KIAA0513: variants seen among roughly 807,000 people sequenced by gnomAD.
KIAA0513 encodes the protein KIAA0513.
Under a neutral mutation model 56.5 loss-of-function variants are expected in KIAA0513, and 39 were observed. The observed-to-expected ratio is 0.69, with a 90% CI of 0.53 to 0.90. The LOEUF is 0.90. Among genes scored for constraint, KIAA0513 ranks in the 40% least tolerant of loss-of-function variants. The probability of loss-of-function intolerance (pLI) is 0.00; values close to 1 mark genes in which losing one functional copy is unlikely to be tolerated. For synonymous variants in KIAA0513, 268 were observed against 215.6 expected (o/e 1.24, Z -2.13); for missense variants, 591 against 535.2 (o/e 1.10, Z -1.03).
At chr16:85,069,282 C>G (rs975802500) in intron 2 of KIAA0513, among the ~76,000 whole-genome samples, 1 of 151,596 alleles carries the variant, frequency 6.6e-6, no homozygotes, top group African/African-American at 2.4e-5. Flanking sequence ...GCAGTCATAG[C>G]TCACCACAGC....
At chr16:85,070,915 G>A (rs1486427684) in intron 2 of KIAA0513, among the ~76,000 whole-genome samples, 2 of 152,198 alleles carry the variant, frequency 1.3e-5, no homozygotes, top group African/African-American at 2.4e-5. Context: ...TGAGTCAGAT[G>A]CATCTTCACA....
Position 85,094,169 on chromosome 16 carries a change from A to G in KIAA0513, c.*5844A>G, listed in dbSNP as rs1372877782. ...GTTTGCTGTGAAGAAAAACATGTGT[A>G]TATATTGCACCTTGAGTTGTCAGAA... On this transcript the variant is annotated 3_prime_UTR_variant, in exon 13 of 13. Coordinates refer to ENST00000683363, the MANE Select transcript of KIAA0513 (RefSeq NM_001388359.1). 2 of 152,126 alleles carry G rather than the reference A, an allele frequency of 1.3e-5. No individual in the cohort carries two copies. Among genetic ancestry groups the G allele is most frequent in the Non-Finnish European group, 2.9e-5 (2 of 68,022 alleles). 9.4% of individuals were successfully genotyped at this position (152,126 alleles called of 1,614,324 possible).
chr16:85,077,368 T>G, intron 5 of KIAA0513, 57 bp from the exon 6 acceptor site: 1 of 1,539,178 alleles, frequency 6.5e-7, no homozygotes, highest in Non-Finnish European at 8.9e-7. Flanking sequence ...GCCTCTGCAG[T>G]TAGCAGGCGC....
intron 1 of KIAA0513, among the ~76,000 whole-genome samples, chr16:85,033,954 C>T (rs1251376958): frequency 2.0e-5 from 3 of 152,134 alleles, no homozygotes; most frequent in African/African-American, 7.2e-5. Context: ...ATCCAGTGTC[C>T]TTTTAATGTC....
At chr16:85,044,510 AT>A (rs746418986) in intron 1 of KIAA0513, among the ~76,000 whole-genome samples, 6,279 of 136,802 alleles carry the variant, frequency 0.046, 279 homozygotes, top group African/African-American at 0.13. Context: ...TTTTATTTTT[AT>A]TTTTTTTTTT....
intron 10 of KIAA0513, 42 bp from the exon 11 acceptor site, chr16:85,086,602 G>C: frequency 6.3e-7 from 1 of 1,584,346 alleles, no homozygotes. Context: ...GGCAAGGACA[G>C]CACCATCTGA....
intron 11 of KIAA0513, 59 bp downstream of exon 11, chr16:85,086,783 G>C: frequency 7.0e-7 from 1 of 1,426,168 alleles, no homozygotes; most frequent in Non-Finnish European, 9.7e-7. Flanking sequence ...CCTGTGAGCT[G>C]TCACACCTGG....
intron 2 of KIAA0513, among the ~76,000 whole-genome samples, chr16:85,069,404 TGGGGCC>T (rs2073539163): frequency 6.6e-6 from 1 of 152,106 alleles, no homozygotes; most frequent in Admixed American, 6.5e-5. Context: ...GCTGTTTGCA[TGGGGCC>T]CTTCCCTGGA....
At chr16:85,029,656 C>G (rs1284818865) in intron 1 of KIAA0513, among the ~76,000 whole-genome samples, 1 of 152,194 alleles carries the variant, frequency 6.6e-6, no homozygotes, top group Non-Finnish European at 1.5e-5. Flanking sequence ...TCCTTTCTCT[C>G]ATAAAGCAAA....
rs1451211104 is a variant in KIAA0513, at chr16:85,092,456, A to C, written c.*4131A>C. The C allele has an allele frequency of 6.6e-6, 1 of 152,204 alleles. No individual in the cohort carries two copies. The highest frequency in any genetic ancestry group is 1.5e-5 in the Non-Finnish European group (1 of 68,048). The allele number at this position is 152,204 out of a possible 1,614,324, so 9.4% of individuals were successfully genotyped here. Reference sequence around the variant, plus strand: ...CGCAGGGTGGCAGTGGCCCAGCCCCAGCCTCAGGGACGGGGAGGGAGAGCC... The same window carrying C: ...CGCAGGGTGGCAGTGGCCCAGCCCCCGCCTCAGGGACGGGGAGGGAGAGCC... On this transcript the variant is annotated 3_prime_UTR_variant, in exon 13 of 13. Transcript: ENST00000683363.
At chr16:85,033,132 A>G (rs2072988806) in intron 1 of KIAA0513, among the ~76,000 whole-genome samples, 1 of 152,150 alleles carries the variant, frequency 6.6e-6, no homozygotes, top group Non-Finnish European at 1.5e-5. Flanking sequence ...GGACGTTTTT[A>G]CGAGAAGCAT....
chr16:85,049,255 G>C (rs2073214181), intron 1 of KIAA0513, among the ~76,000 whole-genome samples: 1 of 152,240 alleles, frequency 6.6e-6, no homozygotes, highest in Non-Finnish European at 1.5e-5. Flanking sequence ...CTGGATCCAG[G>C]AGGATTTGCC....
At chr16:85,068,476 G>A (rs965337272) in intron 2 of KIAA0513, among the ~76,000 whole-genome samples, 1 of 152,090 alleles carries the variant, frequency 6.6e-6, no homozygotes, top group African/African-American at 2.4e-5. Flanking sequence ...GGGACTACAG[G>A]TGCCCGCCAC....
At position 85,076,744 on chromosome 16, in the gene KIAA0513, C is replaced by T. The variant is rs974618419; in HGVS notation, c.575-681C>T. On this transcript the variant is annotated intron_variant, in intron 5 of 12. Transcript: ENST00000683363. The surrounding 1 kb of genome is among the most constrained non-coding windows in gnomAD (Gnocchi z 4.7). ...GGCAGGCCCTTCCTGCCAGGCCACACGTCGGCTGCTTTGGGTGGGGTAGGA... is the reference window on the plus strand; with the variant it reads ...GGCAGGCCCTTCCTGCCAGGCCACATGTCGGCTGCTTTGGGTGGGGTAGGA... 1.3e-5 allele frequency among the ~76,000 whole-genome samples: 2 copies of T among 152,204 alleles called. No individual in the cohort carries two copies. Among genetic ancestry groups the T allele is most frequent in the Non-Finnish European group, 2.9e-5 (2 of 68,034 alleles).
intron 1 of KIAA0513, 56 bp from the exon 2 acceptor site, chr16:85,066,844 G>C: frequency 2.2e-6 from 1 of 454,158 alleles, no homozygotes; most frequent in Non-Finnish European, 3.9e-6. Context: ...CTGTGATCTA[G>C]GTCGGGATTC....
chr16:85,033,793 A>G (rs944881767), intron 1 of KIAA0513, among the ~76,000 whole-genome samples: 1 of 152,094 alleles, frequency 6.6e-6, no homozygotes, highest in Non-Finnish European at 1.5e-5. Context: ...GCCCGTCTTT[A>G]TTTATTTTTG....
chr16:85,060,331 C>T (rs1231460941), intron 1 of KIAA0513, among the ~76,000 whole-genome samples: 1 of 152,100 alleles, frequency 6.6e-6, no homozygotes, highest in Admixed American at 6.6e-5. Context: ...TTTGGGCTGC[C>T]AGGGAGTTGG....
intron 12 of KIAA0513, among the ~76,000 whole-genome samples, chr16:85,088,057 G>A (rs948314872): frequency 4.6e-5 from 7 of 152,226 alleles, no homozygotes; most frequent in African/African-American, 1.2e-4. Context: ...CCCCACAGGC[G>A]GCGTGCTGGC....
chr16:85,077,293 T>G, intron 5 of KIAA0513, 132 bp from the exon 6 acceptor site: 1 of 799,484 alleles, frequency 1.3e-6, no homozygotes, highest in South Asian at 1.8e-5. Flanking sequence ...CCACCCCCTG[T>G]CCTCGGCTGA....
Sources: allele counts gnomAD v4.1 joint callset (sites outside exome capture counted in the v4.1 genomes callset), GRCh38; gene constraint gnomAD v4.1.1; non-coding constraint Gnocchi (gnomAD v3.1); transcripts MANE v1.5; gene names NCBI Gene and HGNC (gene_info 2026-07-23, HGNC 2026-07-21).